The following NEK1 variants were observed in gnomAD, a reference collection of about 807,000 sequenced individuals.
NEK1 encodes serine/threonine-protein kinase Nek1.
In NEK1, 137 loss-of-function variants were observed where a neutral mutation model predicts 182.1. The ratio of observed to expected loss-of-function variants is 0.75; its 90% CI spans 0.65 to 0.87. The LOEUF (loss-of-function observed/expected upper bound fraction) is 0.87, where lower values mean the gene tolerates loss of function less well. Among genes scored for constraint, NEK1 ranks in the 40% least tolerant of loss-of-function variants. The pLI is 0.00. For synonymous variants in NEK1, 513 were observed against 492.2 expected, an observed-to-expected ratio of 1.04 and a Z score of -0.56; for missense variants, 1,391 against 1,494.4, an observed-to-expected ratio of 0.93 and a Z score of 1.14.
intron 5 of NEK1, among the ~76,000 whole-genome samples, chr4:169,591,781 A>G (rs967300947): frequency 3.3e-5 from 5 of 152,194 alleles, no homozygotes; most frequent in Admixed American, 2.0e-4. Context: ...TACGAAAAAG[A>G]CTGATAAAGT....
Position 169,426,146 on chromosome 4 carries a change from C to T in NEK1, c.2974G>A (p.Glu992Lys), listed in dbSNP as rs369134166. The T allele has an allele frequency of 3.0e-5, 48 of 1,609,584 alleles. No individual in the cohort carries two copies. In the African/African-American group the frequency reaches 5.1e-4, roughly 17 times the overall value. The change falls in exon 30 of 36, where the codon GAG (glutamate) becomes AAG (lysine). Residue 992 changes from glutamate (E) to lysine (K), a missense_variant and splice_region_variant. Transcript: ENST00000507142. ...TVDQLSDIHIEPGTNDSQHSK... is the reference protein window; with the variant it reads ...TVDQLSDIHIKPGTNDSQHSK... ...ATTAGACTAATGCAATGATGCTTAC[C>T]TATATGAATGTCACTAAGTTGGTCC...
chr4:169,460,483 C>A (rs1387561065), intron 27 of NEK1, among the ~76,000 whole-genome samples: 1 of 151,962 alleles, frequency 6.6e-6, no homozygotes, highest in African/African-American at 2.4e-5. Context: ...TCTCATAACA[C>A]GTGGGAATCA....
At chr4:169,529,893 A>C (rs149334888) in intron 19 of NEK1, among the ~76,000 whole-genome samples, 1 of 152,302 alleles carries the variant, frequency 6.6e-6, no homozygotes, top group Admixed American at 6.5e-5. Context: ...TAACACTGAC[A>C]ACAAATGCTG....
chr4:169,575,098 G>T (rs779915409), intron 12 of NEK1, among the ~76,000 whole-genome samples: 1 of 152,184 alleles, frequency 6.6e-6, no homozygotes, highest in African/African-American at 2.4e-5. Context: ...AGCAATAGGA[G>T]AGTCTAGGCA....
intron 5 of NEK1, among the ~76,000 whole-genome samples, chr4:169,591,389 A>T (rs896446580): frequency 1.5e-4 from 23 of 152,028 alleles, no homozygotes; most frequent in Non-Finnish European, 2.4e-4. Context: ...TCCTGGTCTC[A>T]GGAGTTCCTG....
At chr4:169,580,021 T>A (rs1044619385) in intron 11 of NEK1, among the ~76,000 whole-genome samples, 17 of 152,074 alleles carry the variant, frequency 1.1e-4, no homozygotes, top group African/African-American at 3.6e-4. Flanking sequence ...AGGAAAAAAA[T>A]AATTTCCCTC....
chr4:169,472,175 C>A (rs1195753005), intron 26 of NEK1, among the ~76,000 whole-genome samples: 1 of 149,792 alleles, frequency 6.7e-6, no homozygotes, highest in Non-Finnish European at 1.5e-5. Context: ...ACAAAAAAAA[C>A]AAAAAAAAAC....
chr4:169,502,355 T>C (rs1228840541), intron 23 of NEK1, among the ~76,000 whole-genome samples: 1 of 151,848 alleles, frequency 6.6e-6, no homozygotes, highest in Non-Finnish European at 1.5e-5. Context: ...TAAATTAAGA[T>C]GGAGAGATTC....
At chr4:169,608,116 T>TACACACACATAC (rs1771696832) in intron 2 of NEK1, among the ~76,000 whole-genome samples, 1 of 147,998 alleles carries the variant, frequency 6.8e-6, no homozygotes, top group South Asian at 2.1e-4. Flanking sequence ...CACACACACA[T>TACACACACATAC]ACACACACAC....
At chr4:169,581,836 CTT>C (rs1234036540) in intron 10 of NEK1, among the ~76,000 whole-genome samples, 3 of 152,116 alleles carry the variant, frequency 2.0e-5, no homozygotes, top group Non-Finnish European at 1.5e-5. Context: ...TCTGAATCCT[CTT>C]AACATCTCCA....
chr4:169,463,454 T>C, intron 26 of NEK1, 59 bp from the exon 27 acceptor site: 1 of 1,286,878 alleles, frequency 7.8e-7, no homozygotes, highest in Non-Finnish European at 1.1e-6. Context: ...TACTGCATGG[T>C]AAGGCAGATT....
At chr4:169,411,286 A>ATTTTTTT (rs869305455) in intron 31 of NEK1, among the ~76,000 whole-genome samples, 1 of 138,310 alleles carries the variant, frequency 7.2e-6, no homozygotes. Flanking sequence ...ATCTGACTCT[A>ATTTTTTT]TTTTTTTTTT....
chr4:169,402,094 T>C (rs1328447915), intron 32 of NEK1, among the ~76,000 whole-genome samples: 1 of 152,224 alleles, frequency 6.6e-6, no homozygotes, highest in African/African-American at 2.4e-5. Flanking sequence ...CTGGAATATA[T>C]AAGCCAGAAG....
At position 169,401,682 on chromosome 4, in the gene NEK1, C is replaced by G; in HGVS notation, c.3553G>C (p.Glu1185Gln). 3.7e-6 allele frequency: 6 copies of G among 1,613,894 alleles called. No individual in the cohort carries two copies. The highest frequency in any genetic ancestry group is 1.6e-4 in the Middle Eastern group (1 of 6,062). The change falls in exon 33 of 36, where the codon GAA (glutamate) becomes CAA (glutamine). Residue 1185 changes from glutamate (E) to glutamine (Q), a missense_variant. Transcript: ENST00000507142. ...VADEDDNPSS[E>Q]SALNEEWHSD... is the part of the protein sequence containing the mutation. ...TGCCATTCTTCGTTCAGGGCACTTT[C>G]ACTGCTGGGATTGTCATCTTCATCT... is the stretch of plus-strand genomic sequence containing the variant.
chr4:169,507,073 C>T lies in NEK1; in HGVS notation c.1971G>A (p.Glu657=), dbSNP rs1365935028. The T allele has an allele frequency of 6.2e-7, 1 of 1,609,672 alleles. No individual in the cohort carries two copies. The highest frequency in any genetic ancestry group is 8.5e-7 in the Non-Finnish European group (1 of 1,178,052). The change falls in exon 23 of 36, where the codon GAG becomes GAA. Residue 657 remains glutamate (E), a synonymous_variant. Transcript: ENST00000507142. Reference sequence around the variant, plus strand: ...ACACTTTTTTTTCTCTCTCATAAGCCTCCTTTCTCTTTCGTTCTAGTTGTT... The same window carrying T: ...ACACTTTTTTTTCTCTCTCATAAGCTTCCTTTCTCTTTCGTTCTAGTTGTT... ...LKEQLERKRK[E]AYEREKKVWE...
intron 23 of NEK1, among the ~76,000 whole-genome samples, chr4:169,487,599 T>C (rs1010002711): frequency 1.3e-5 from 2 of 152,240 alleles, no homozygotes; most frequent in Non-Finnish European, 2.9e-5. Context: ...GTCTTTGCTA[T>C]CGTGAATAGT....
chr4:169,605,242 A>G (rs1002570278), intron 2 of NEK1, among the ~76,000 whole-genome samples: 20 of 152,196 alleles, frequency 1.3e-4, no homozygotes, highest in Non-Finnish European at 2.9e-4. Flanking sequence ...AGAAGCTCCA[A>G]AAGTCCCCAG....
chr4:169,590,474 A>G (rs1768274766), intron 6 of NEK1, among the ~76,000 whole-genome samples: 1 of 152,132 alleles, frequency 6.6e-6, no homozygotes, highest in Non-Finnish European at 1.5e-5. Flanking sequence ...CTCACTGCTA[A>G]TGGGTACGAG....
intron 26 of NEK1, among the ~76,000 whole-genome samples, chr4:169,463,663 T>A (rs1021144899): frequency 6.6e-6 from 1 of 152,160 alleles, no homozygotes; most frequent in Non-Finnish European, 1.5e-5. Context: ...CATAAATTAA[T>A]ACAGACTGAG....
Sources: gnomAD v4.1 joint callset for allele counts (sites outside exome capture counted in the v4.1 genomes callset) on GRCh38, gnomAD v4.1.1 for gene constraint, MANE v1.5 for transcripts, NCBI Gene and HGNC (gene_info 2026-07-23, HGNC 2026-07-21) for gene names.